IMMP2L: variants seen among roughly 807,000 people sequenced by gnomAD.
IMMP2L encodes the protein mitochondrial inner membrane protease subunit 2.
Under a neutral mutation model 19.3 loss-of-function variants are expected in IMMP2L, and 18 were observed. The observed-to-expected ratio is 0.93, with a 90% CI of 0.64 to 1.38. IMMP2L has a LOEUF of 1.38. Ranked by LOEUF, IMMP2L falls within the 40% of genes most tolerant of loss-of-function variation. The pLI is 0.00. For missense variants in IMMP2L, 233 were observed against 218.2 expected (o/e 1.07, Z -0.43); for synonymous variants, 76 against 73.0 (o/e 1.04, Z -0.21).
At chr7:110,868,494 C>A (rs1490744160) in intron 5 of IMMP2L, among the ~76,000 whole-genome samples, 2 of 152,034 alleles carry the variant, frequency 1.3e-5, no homozygotes, top group African/African-American at 2.4e-5. Context: ...GGGTTCAAAT[C>A]ATAGCAAATT....
At chr7:110,909,689 G>C (rs1441398801) in intron 4 of IMMP2L, among the ~76,000 whole-genome samples, 1 of 152,074 alleles carries the variant, frequency 6.6e-6, no homozygotes, top group Non-Finnish European at 1.5e-5. Flanking sequence ...AGGCCCTCTT[G>C]AGTTGAGCAC....
At chr7:110,698,180 CACTG>C in intron 5 of IMMP2L, among the ~76,000 whole-genome samples, 1 of 152,244 alleles carries the variant, frequency 6.6e-6, no homozygotes, top group African/African-American at 2.4e-5. Flanking sequence ...CCACCATAGT[CACTG>C]ACTATGTACT....
chr7:110,988,092 G>GT (rs1284184262), intron 3 of IMMP2L, among the ~76,000 whole-genome samples: 1 of 152,194 alleles, frequency 6.6e-6, no homozygotes, highest in African/African-American at 2.4e-5. Context: ...GATTAAGGAG[G>GT]TAAGATTTAG....
At chr7:110,964,308 T>C (rs1819300545) in intron 3 of IMMP2L, among the ~76,000 whole-genome samples, 1 of 152,060 alleles carries the variant, frequency 6.6e-6, no homozygotes, top group Non-Finnish European at 1.5e-5. Context: ...AATGATAACA[T>C]ACTTCAGTTT....
chr7:110,792,881 A>G (rs1303963885), intron 5 of IMMP2L, among the ~76,000 whole-genome samples: 5 of 151,966 alleles, frequency 3.3e-5, no homozygotes, highest in African/African-American at 9.7e-5. Flanking sequence ...CAACCATACA[A>G]TGAAATCTTA....
chr7:110,742,928 C>T (rs966252718), intron 5 of IMMP2L, among the ~76,000 whole-genome samples: 2 of 152,150 alleles, frequency 1.3e-5, no homozygotes, highest in African/African-American at 2.4e-5. Context: ...TTCCTACGTA[C>T]ATTACGCTGA....
In IMMP2L at chr7:110,889,704, T is replaced by C. The variant is rs77086726; in HGVS notation, c.306-3009A>G. 9.5e-3 allele frequency among the ~76,000 whole-genome samples: 1,451 copies of C among 152,318 alleles called. 20 individuals carry two copies. Among genetic ancestry groups the C allele is most frequent in the African/African-American group, 0.032 (1,339 of 41,566 alleles). ...GTTGGATGAAAATATAATGGAAAGA[T>C]TGTTATACAACATAGTCTCTGGAGC... is the stretch of plus-strand genomic sequence containing the variant. On this transcript the variant is annotated intron_variant, in intron 4 of 5. Coordinates refer to ENST00000405709, the MANE Select transcript of IMMP2L (RefSeq NM_032549.4).
At chr7:111,377,154 C>T (rs1029968012) in intron 3 of IMMP2L, among the ~76,000 whole-genome samples, 1 of 151,542 alleles carries the variant, frequency 6.6e-6, no homozygotes, top group East Asian at 1.9e-4. Context: ...ATTGGATTTT[C>T]CCCCTAGAAG....
chr7:111,396,933 A>G (rs2131374748), intron 3 of IMMP2L, among the ~76,000 whole-genome samples: 1 of 152,030 alleles, frequency 6.6e-6, no homozygotes, highest in South Asian at 2.1e-4. Context: ...AAATACAAAA[A>G]CAAAATTAGC....
chr7:111,362,013 G>A (rs1584798246), intron 3 of IMMP2L, among the ~76,000 whole-genome samples: 2 of 151,900 alleles, frequency 1.3e-5, no homozygotes, highest in East Asian at 1.9e-4. Flanking sequence ...TTAAATGATT[G>A]CAAAGGCTAT....
At chr7:111,002,285 C>A (rs1260607853) in intron 3 of IMMP2L, among the ~76,000 whole-genome samples, 1 of 152,058 alleles carries the variant, frequency 6.6e-6, no homozygotes, top group Admixed American at 6.6e-5. Flanking sequence ...CTGCCTATTA[C>A]CCAGTCAAAG....
chr7:111,392,698 T>G (rs1832478768), intron 3 of IMMP2L: 1 of 454,210 alleles, frequency 2.2e-6, no homozygotes, highest in Non-Finnish European at 4.4e-6. Flanking sequence ...CACACACTTC[T>G]GTCCAACTTG....
intron 3 of IMMP2L, among the ~76,000 whole-genome samples, chr7:111,220,576 T>TGATGGATG (rs34015257): frequency 0.044 from 6,597 of 148,340 alleles, 170 homozygotes; most frequent in Non-Finnish European, 0.058. Flanking sequence ...CAGAGAAACA[T>TGATGGATG]GATGGATGGA....
intron 2 of IMMP2L, among the ~76,000 whole-genome samples, chr7:111,511,630 CAG>C (rs1255325494): frequency 1.4e-5 from 2 of 144,456 alleles, no homozygotes; most frequent in African/African-American, 5.2e-5. Context: ...GCCTGGGCAA[CAG>C]AGTCTCCCTC....
intron 5 of IMMP2L, among the ~76,000 whole-genome samples, chr7:110,861,219 T>C (rs568611243): frequency 6.6e-6 from 1 of 151,970 alleles, no homozygotes; most frequent in African/African-American, 2.4e-5. Context: ...CTAATTTAAT[T>C]TCCATTAGAA....
intron 3 of IMMP2L, among the ~76,000 whole-genome samples, chr7:111,086,266 G>GA (rs569989200): frequency 0.03 from 3,912 of 129,238 alleles, 88 homozygotes; most frequent in South Asian, 0.082. Flanking sequence ...AAAAAAAAAA[G>GA]AAAAAAAAAA....
intron 3 of IMMP2L, among the ~76,000 whole-genome samples, chr7:111,069,271 A>T (rs1359667785): frequency 6.6e-6 from 1 of 152,320 alleles, no homozygotes; most frequent in Middle Eastern, 3.4e-3. Flanking sequence ...ATCAATTAGC[A>T]ATGACTTCCA....
chr7:111,106,847 TA>T (rs2129581635), intron 3 of IMMP2L, among the ~76,000 whole-genome samples: 1 of 151,588 alleles, frequency 6.6e-6, no homozygotes, highest in East Asian at 1.9e-4. Flanking sequence ...GTTCTCAATT[TA>T]AAAATAATTG....
intron 5 of IMMP2L, among the ~76,000 whole-genome samples, chr7:110,685,306 T>C (rs1007017471): frequency 2.0e-5 from 3 of 152,140 alleles, no homozygotes; most frequent in Admixed American, 2.0e-4. Flanking sequence ...TCTTTCATTC[T>C]TCCTTTTCTC....
Sources: allele counts gnomAD v4.1 joint callset (sites outside exome capture counted in the v4.1 genomes callset), GRCh38; gene constraint gnomAD v4.1.1; transcripts MANE v1.5; gene names NCBI Gene and HGNC (gene_info 2026-07-23, HGNC 2026-07-21).